The following OSBPL8 variants were observed in gnomAD, a reference collection of about 807,000 sequenced individuals.
The protein encoded by OSBPL8 is oxysterol-binding protein-related protein 8.
Under a neutral mutation model 125.5 loss-of-function variants are expected in OSBPL8, and 59 were observed. The observed-to-expected ratio is 0.47, with a 90% CI of 0.38 to 0.58. The LOEUF (loss-of-function observed/expected upper bound fraction) is 0.58. Among genes scored for constraint, OSBPL8 ranks in the 20% least tolerant of loss-of-function variants. The pLI is 0.00. For missense variants in OSBPL8, 758 were observed against 1,047.8 expected (o/e 0.72, Z 3.82); for synonymous variants, 330 against 338.9 (o/e 0.97, Z 0.29).
chr12:76,443,484 G>A (rs956298213), intron 4 of OSBPL8, among the ~76,000 whole-genome samples: 11 of 152,018 alleles, frequency 7.2e-5, no homozygotes, highest in African/African-American at 2.7e-4. Flanking sequence ...GGGTGAACGC[G>A]AGCCTAATTA....
intron 2 of OSBPL8, among the ~76,000 whole-genome samples, chr12:76,464,289 A>G (rs1875112384): frequency 6.6e-6 from 1 of 152,164 alleles, no homozygotes; most frequent in African/African-American, 2.4e-5. Context: ...CCTGTCTCTA[A>G]AAAGCAACAG....
intron 10 of OSBPL8, 128 bp from the exon 11 acceptor site, chr12:76,390,785 T>C (rs1460446282): frequency 3.2e-6 from 2 of 632,190 alleles, no homozygotes; most frequent in African/African-American, 3.7e-5. Context: ...GTGTTTTACA[T>C]AGTGTTAATT....
At chr12:76,408,822 T>TA (rs1954387036) in intron 5 of OSBPL8, among the ~76,000 whole-genome samples, 1 of 152,168 alleles carries the variant, frequency 6.6e-6, no homozygotes, top group African/African-American at 2.4e-5. Context: ...CAGCTTCATT[T>TA]AAGGTATGCA....
At position 76,397,897 on chromosome 12, in the gene OSBPL8, T is replaced by G; in HGVS notation, c.469A>C (p.Ile157Leu). The G allele has an allele frequency of 6.2e-7, 1 of 1,611,868 alleles. No individual in the cohort carries two copies. The highest frequency in any genetic ancestry group is 8.5e-7 in the Non-Finnish European group (1 of 1,179,090). Residue 157 changes from isoleucine (I) to leucine (L), a missense_variant and splice_region_variant, in exon 8 of 24, where the codon ATT becomes CTT. Physicochemically the swap from Ile to Leu is conservative, Grantham distance 5. Around this residue, in one of 3 missense-constraint regions of OSBPL8, gnomAD observed 69 missense variants for 148.7 expected, o/e 0.46. Coordinates refer to ENST00000261183, the MANE Select transcript of OSBPL8 (RefSeq NM_020841.5). ...SVIVMADWLK[I>L]RGTLKSWTKL... ...GTCCAGCTCTTTAGAGTACCACGAA[T>G]CTACAGAAAGATAAATTTATTTTAA...
chr12:76,435,330 T>C (rs534187842), intron 4 of OSBPL8, among the ~76,000 whole-genome samples: 2 of 152,268 alleles, frequency 1.3e-5, no homozygotes, highest in South Asian at 4.1e-4. Flanking sequence ...ATCTCTCTTA[T>C]ATGTAGAATT....
intron 1 of OSBPL8, among the ~76,000 whole-genome samples, chr12:76,506,419 T>C (rs759934162): frequency 6.6e-6 from 1 of 152,096 alleles, no homozygotes; most frequent in Non-Finnish European, 1.5e-5. Context: ...AACCATAACA[T>C]TGAATGAGAT....
chr12:76,361,424 T>G (rs1265097078), intron 21 of OSBPL8, among the ~76,000 whole-genome samples: 2 of 152,042 alleles, frequency 1.3e-5, no homozygotes, highest in Non-Finnish European at 2.9e-5. Flanking sequence ...CTCTAGGAGG[T>G]TCCAAACTTT....
At chr12:76,553,391 T>C (rs1474057642) in intron 1 of OSBPL8, among the ~76,000 whole-genome samples, 1 of 138,580 alleles carries the variant, frequency 7.2e-6, no homozygotes, top group African/African-American at 3.4e-5. Flanking sequence ...AGGCCTGGCA[T>C]GGCAGCTCAC....
chr12:76,371,407 C>T lies in OSBPL8; in HGVS notation c.2054+41G>A, dbSNP rs370501738. 169 of 1,536,618 alleles carry T rather than the reference C, an allele frequency of 1.1e-4. No individual in the cohort carries two copies. The African/African-American group carries it at 2.0e-3, about 18-fold the overall frequency. On this transcript the variant is annotated intron_variant, in intron 19 of 23. Coordinates refer to ENST00000261183, the MANE Select transcript of OSBPL8 (RefSeq NM_020841.5). ...ATCATTAAGGAATTGAAAAACTACT[C>T]TCTGATCCTCATGAAGTTAGCTGTA...
At chr12:76,400,085 G>T in intron 6 of OSBPL8, 111 bp from the exon 7 acceptor site, 1 of 737,546 alleles carries the variant, frequency 1.4e-6, no homozygotes, top group East Asian at 2.8e-5. Flanking sequence ...TGTGTCATGG[G>T]GTTTTGTTGT....
At chr12:76,512,812 C>A (rs1350687143) in intron 1 of OSBPL8, among the ~76,000 whole-genome samples, 1 of 152,198 alleles carries the variant, frequency 6.6e-6, no homozygotes, top group Admixed American at 6.5e-5. Flanking sequence ...TCTTCCTATC[C>A]ATGAGCATGG....
At chr12:76,496,169 AT>A (rs58179119) in intron 1 of OSBPL8, among the ~76,000 whole-genome samples, 46 of 148,554 alleles carry the variant, frequency 3.1e-4, no homozygotes, top group African/African-American at 6.4e-4. Flanking sequence ...TGTCTGTAGT[AT>A]TTTTTTTTTT....
At chr12:76,512,364 T>C (rs918943080) in intron 1 of OSBPL8, among the ~76,000 whole-genome samples, 6 of 152,230 alleles carry the variant, frequency 3.9e-5, no homozygotes, top group Non-Finnish European at 5.9e-5. Context: ...CTTTTTTCAG[T>C]CTGTCACTGA....
intron 1 of OSBPL8, among the ~76,000 whole-genome samples, chr12:76,517,834 TCAAA>T (rs1418474686): frequency 1.3e-5 from 2 of 152,198 alleles, no homozygotes; most frequent in East Asian, 3.9e-4. Flanking sequence ...CCATACTCTT[TCAAA>T]CAACCAGGTC....
At chr12:76,525,457 G>A (rs1243670796) in intron 1 of OSBPL8, among the ~76,000 whole-genome samples, 2 of 152,100 alleles carry the variant, frequency 1.3e-5, no homozygotes, top group Admixed American at 6.6e-5. Flanking sequence ...GTTAATTACT[G>A]GTGTGTGACA....
At chr12:76,528,703 T>C (rs1005324536) in intron 1 of OSBPL8, among the ~76,000 whole-genome samples, 62 of 152,050 alleles carry the variant, frequency 4.1e-4, no homozygotes, top group African/African-American at 1.2e-3. Flanking sequence ...CACAACGATA[T>C]AGCTATAGTA....
intron 4 of OSBPL8, among the ~76,000 whole-genome samples, chr12:76,413,310 A>C (rs1868310250): frequency 6.6e-6 from 1 of 152,180 alleles, no homozygotes. Context: ...CTTGTGCAAT[A>C]ATTATTTACT....
chr12:76,484,371 G>C (rs1877897012), intron 2 of OSBPL8, among the ~76,000 whole-genome samples: 1 of 152,116 alleles, frequency 6.6e-6, no homozygotes, highest in Non-Finnish European at 1.5e-5. Context: ...CTCTAGTGTG[G>C]AGCAATCACT....
rs11423585 is a variant in OSBPL8 at position 76,393,710 on chromosome 12, CAAAAAAAAA to C, written c.757+926_757+934del. 6.7e-3 allele frequency among the ~76,000 whole-genome samples: 349 copies of C among 52,282 alleles called. 6 individuals carry two copies. Among genetic ancestry groups the C allele is most frequent in the African/African-American group, 0.022 (326 of 15,122 alleles). 34.3% of individuals were successfully genotyped at this position (52,282 alleles called of 152,430 possible). A position where few individuals can be genotyped will look rare whatever the true frequency, so the allele number is the denominator to read the frequency against. On this transcript the variant is annotated intron_variant, in intron 9 of 23. Coordinates refer to ENST00000261183, the MANE Select transcript of OSBPL8 (RefSeq NM_020841.5). ...TGGGCGACAGAGTGAGACTCCGTTT[CAAAAAAAAA>C]AAAAAAAAAAAAAAAAATCTGAGGC...
Sources: gnomAD v4.1 joint callset for allele counts (sites outside exome capture counted in the v4.1 genomes callset) on GRCh38, gnomAD v4.1.1 for gene constraint, gnomAD v4.1.1 regional missense constraint, MANE v1.5 for transcripts, NCBI Gene and HGNC (gene_info 2026-07-23, HGNC 2026-07-21) for gene names.